PDIA3: variants seen among roughly 807,000 people sequenced by gnomAD.
PDIA3 encodes the protein protein disulfide-isomerase A3.
PDIA3 carries 16 observed loss-of-function variants against 56.9 expected under a neutral mutation model. That is an observed-to-expected ratio of 0.28 (90% CI 0.19 to 0.43). The LOEUF (loss-of-function observed/expected upper bound fraction) is 0.43. PDIA3 is among the 20% of genes least tolerant of loss of function. The pLI is 1.00. For missense variants in PDIA3, 485 were observed against 621.3 expected (o/e 0.78, Z 2.33); for synonymous variants, 192 against 216.5 (o/e 0.89, Z 0.99).
At chr15:43,746,804 A>T in intron 1 of PDIA3, 98 bp downstream of exon 1, 1 of 1,323,200 alleles carries the variant, frequency 7.6e-7, no homozygotes, top group Non-Finnish European at 1.1e-6. Context: ...GGGGCCCTTC[A>T]TTCCTGTGGG....
Position 43,753,905 on chromosome 15 carries a change from A to G in PDIA3, c.246+3A>G, listed in dbSNP as rs376936639. 1 of 1,601,034 alleles carries G rather than the reference A, an allele frequency of 6.2e-7. No homozygotes were observed. On this transcript the variant is annotated splice_donor_region_variant and intron_variant, in intron 2 of 12. Transcript: ENST00000300289. ...AAGGAATAGTCCCATTAGCAAAGGTAAGTACAGGTGGATTCTTCACTAAAG... is the reference window on the plus strand; with the variant it reads ...AAGGAATAGTCCCATTAGCAAAGGTGAGTACAGGTGGATTCTTCACTAAAG...
intron 12 of PDIA3, 42 bp downstream of exon 12, chr15:43,770,622 C>T (rs543393222): frequency 1.4e-5 from 17 of 1,184,838 alleles, no homozygotes; most frequent in South Asian, 3.7e-5. Flanking sequence ...TATACACAGA[C>T]GTAAACACAC....
In PDIA3 at chr15:43,763,163, A is replaced by G; in HGVS notation, c.559A>G (p.Thr187Ala). 6.2e-7 allele frequency: 1 copy of G among 1,614,168 alleles called. No individual in the cohort carries two copies. Among genetic ancestry groups the G allele is most frequent in the Non-Finnish European group, 8.5e-7 (1 of 1,179,988 alleles). Residue 187 changes from threonine to alanine, a missense_variant, in exon 5 of 13, where the codon ACG becomes GCG. Transcript: ENST00000300289. ...NLRDNYRFAH[T>A]NVESLVNEYD... is the part of the protein sequence containing the mutation. ...GAGGGATAACTACCGATTTGCACATACGAATGTTGAGTCTCTGGTGAACGA... is the reference window on the plus strand; with the variant it reads ...GAGGGATAACTACCGATTTGCACATGCGAATGTTGAGTCTCTGGTGAACGA...
intron 1 of PDIA3, among the ~76,000 whole-genome samples, chr15:43,748,371 A>G (rs1023388466): frequency 5.3e-5 from 8 of 152,098 alleles, no homozygotes; most frequent in Admixed American, 2.6e-4. Context: ...CCAGCTACTC[A>G]GGAAGCTGAG....
chr15:43,765,608 A>G (rs767033881), intron 6 of PDIA3, 42 bp downstream of exon 6: 15 of 1,277,962 alleles, frequency 1.2e-5, no homozygotes, highest in Non-Finnish European at 1.6e-5. Flanking sequence ...TATTTGCTTG[A>G]TTTTAGTTTG....
At chr15:43,751,868 C>G (rs911827394) in intron 1 of PDIA3, 1 of 743,278 alleles carries the variant, frequency 1.3e-6, no homozygotes, top group African/African-American at 1.9e-5. Flanking sequence ...TGATTTTTTT[C>G]TCTTAAAATG....
intron 7 of PDIA3, 60 bp downstream of exon 7, chr15:43,766,072 TCTAA>T: frequency 1.4e-6 from 2 of 1,455,138 alleles, no homozygotes; most frequent in South Asian, 1.3e-5. Context: ...GACAGTCCCT[TCTAA>T]CTATCTTGTT....
At chr15:43,751,572 A>G in intron 1 of PDIA3, 1 of 1,303,404 alleles carries the variant, frequency 7.7e-7, no homozygotes, top group Non-Finnish European at 1.0e-6. Context: ...TTTCCCTTAA[A>G]TACCACCTGA....
chr15:43,767,115 C>G (rs970702868), intron 8 of PDIA3, among the ~76,000 whole-genome samples: 1 of 152,014 alleles, frequency 6.6e-6, no homozygotes, highest in Non-Finnish European at 1.5e-5. Context: ...TTTGGGAGGC[C>G]AAGGCAGGTG....
chr15:43,772,986 C>T lies in PDIA3; in HGVS notation c.*1768C>T. ...ACCAAACCTCAAGAACCTAGAGCAGCTCTCTACTTGCCACCATGGACTCCA... is the reference window on the plus strand; with the variant it reads ...ACCAAACCTCAAGAACCTAGAGCAGTTCTCTACTTGCCACCATGGACTCCA... On this transcript the variant is annotated 3_prime_UTR_variant, in exon 13 of 13. Coordinates refer to ENST00000300289, the MANE Select transcript of PDIA3 (RefSeq NM_005313.5). 1 of 852,384 alleles carries T rather than the reference C, an allele frequency of 1.2e-6. No individual in the cohort carries two copies. The highest frequency in any genetic ancestry group is 1.8e-6 in the Non-Finnish European group (1 of 543,740). 52.8% of individuals were successfully genotyped at this position (852,384 alleles called of 1,614,324 possible).
At position 43,765,936 on chromosome 15, in the gene PDIA3, G is replaced by C; in HGVS notation, c.769G>C (p.Gly257Arg). 1.9e-6 allele frequency: 3 copies of C among 1,613,246 alleles called. No homozygotes were observed. The highest frequency in any genetic ancestry group is 2.5e-6 in the Non-Finnish European group (3 of 1,179,472). Residue 257 changes from glycine to arginine, a missense_variant, in exon 7 of 13, where the codon GGC becomes CGC. By Grantham distance (125) the Gly-to-Arg change is moderately radical. Transcript: ENST00000300289. ...AGAAGACAATAAAGATTTGATACAG[G>C]GCAAGGACTTACTTATTGCTTACTA... ...MTEDNKDLIQ[G>R]KDLLIAYYDV...
At position 43,763,194 on chromosome 15, in the gene PDIA3, A is replaced by G. The variant is rs201790285; in HGVS notation, c.590A>G (p.Asp197Gly). The change falls in exon 5 of 13, where the codon GAT becomes GGT. Residue 197 changes from aspartate (D) to glycine (G), a missense_variant. Transcript: ENST00000300289. ...GTTGAGTCTCTGGTGAACGAGTATG[A>G]TGATAATGGAGAGTAAGTGACTGAG... ...TNVESLVNEY[D>G]DNGEGIILFR... 1 of 1,613,830 alleles carries G rather than the reference A, an allele frequency of 6.2e-7. No homozygotes were observed. Among genetic ancestry groups the G allele is most frequent in the East Asian group, 2.2e-5 (1 of 44,884 alleles).
intron 2 of PDIA3, among the ~76,000 whole-genome samples, chr15:43,754,563 A>G (rs1268670459): frequency 1.3e-5 from 2 of 151,576 alleles, no homozygotes; most frequent in African/African-American, 4.9e-5. Context: ...TCATCTCTAC[A>G]AAAAATTTAA....
At chr15:43,766,944 C>G in intron 8 of PDIA3, 34 bp downstream of exon 8, 1 of 1,586,840 alleles carries the variant, frequency 6.3e-7, no homozygotes, top group Admixed American at 1.7e-5. Flanking sequence ...TTCTCCAAGG[C>G]AATTATTAAA....
Position 43,773,207 on chromosome 15 carries a change from T to A in PDIA3, c.*1989T>A. Reference sequence around the variant, plus strand: ...AAGGTACTCACAGCGACGCTTTTCTTCTCTGTAACTTGGGTACTGCTGCAG... The same window carrying A: ...AAGGTACTCACAGCGACGCTTTTCTACTCTGTAACTTGGGTACTGCTGCAG... On this transcript the variant is annotated 3_prime_UTR_variant, in exon 13 of 13. Coordinates refer to ENST00000300289, the MANE Select transcript of PDIA3 (RefSeq NM_005313.5). 1 of 1,613,980 alleles carries A rather than the reference T, an allele frequency of 6.2e-7. No homozygotes were observed. The highest frequency in any genetic ancestry group is 8.5e-7 in the Non-Finnish European group (1 of 1,179,990).
At chr15:43,761,315 A>T in intron 3 of PDIA3, 109 bp from the exon 4 acceptor site, 1 of 532,432 alleles carries the variant, frequency 1.9e-6, no homozygotes, top group Non-Finnish European at 3.4e-6. Context: ...TGGCAAGAAG[A>T]TTTCATCTTA....
At position 43,760,018 on chromosome 15, in the gene PDIA3, GGCGGATGTT is replaced by G. The variant is rs572959823; in HGVS notation, c.365-1403_365-1395del. The stretch of plus-strand genomic sequence containing the variant: ...GCAGGAGAATTGCTTGAACCCAGGA[GGCGGATGTT>G]GCAGTGAGCCAATGTTGCAATCGCG... On this transcript the variant is annotated intron_variant, in intron 3 of 12. Transcript: ENST00000300289. 3.8e-4 allele frequency among the ~76,000 whole-genome samples: 58 copies of G among 152,270 alleles called. No homozygotes were observed. In the South Asian group the frequency reaches 7.2e-3, roughly 19 times the overall value.
Position 43,754,712 on chromosome 15 carries a change from T to TA in PDIA3, c.246+826dup, listed in dbSNP as rs575346705. Among the ~76,000 whole-genome samples, 360 of 138,226 alleles carry TA rather than the reference T, an allele frequency of 2.6e-3. 1 individual carries two copies. Among genetic ancestry groups the TA allele is most frequent in the Non-Finnish European group, 2.5e-3 (159 of 62,864 alleles). The allele number at this position is 138,226 out of a possible 152,430, so 90.7% of individuals were successfully genotyped here. A position where few individuals can be genotyped will look rare whatever the true frequency, so the allele number is the denominator to read the frequency against. ...GGTGACAGAGTAAGACCCTGTCTCT[T>TA]AAAAAAAAAAAAAAAAGTGTAATCC... On this transcript the variant is annotated intron_variant, in intron 2 of 12. Coordinates refer to ENST00000300289, the MANE Select transcript of PDIA3 (RefSeq NM_005313.5).
chr15:43,767,967 A>T (rs1047399173), intron 8 of PDIA3, among the ~76,000 whole-genome samples: 8 of 151,978 alleles, frequency 5.3e-5, no homozygotes, highest in Non-Finnish European at 1.2e-4. Flanking sequence ...TTAAAAATCT[A>T]AAAAAAGATT....
Sources: gnomAD v4.1 joint callset for allele counts (sites outside exome capture counted in the v4.1 genomes callset) on GRCh38, gnomAD v4.1.1 for gene constraint, MANE v1.5 for transcripts, NCBI Gene and HGNC (gene_info 2026-07-23, HGNC 2026-07-21) for gene names.